The following CCDC191 variants were observed in gnomAD, a reference collection of about 807,000 sequenced individuals.
The protein encoded by CCDC191 is coiled-coil domain containing 191.
CCDC191 carries 99 observed loss-of-function variants against 114.0 expected under a neutral mutation model. The observed-to-expected ratio is 0.87, with a 90% CI of 0.74 to 1.03. The LOEUF (loss-of-function observed/expected upper bound fraction) is 1.03, where lower values mean the gene tolerates loss of function less well. Ranked by LOEUF, CCDC191 falls within the 50% of genes least tolerant of loss-of-function variation. The probability of loss-of-function intolerance (pLI) is 0.00; values close to 1 mark genes in which losing one functional copy is unlikely to be tolerated. For missense variants in CCDC191, 973 were observed against 1,087.0 expected (o/e 0.90, Z 1.47); for synonymous variants, 351 against 376.0 (o/e 0.93, Z 0.77).
rs140452061 is a variant in CCDC191 at position 113,998,641 on chromosome 3, C to T, written c.2163+2954G>A. Among the ~76,000 whole-genome samples, 8 of 152,300 alleles carry T rather than the reference C, an allele frequency of 5.3e-5. No individual in the cohort carries two copies. The East Asian group carries it at 1.5e-3, about 29-fold the overall frequency. On this transcript the variant is annotated intron_variant, in intron 13 of 16. Coordinates refer to ENST00000295878, the MANE Select transcript of CCDC191 (RefSeq NM_020817.2). ...CCAATCTGCCAGCAGCAGAGACTAA[C>T]AATGAGTCCCTGATGTGGCACCATT... is the stretch of plus-strand genomic sequence containing the variant.
rs530351371 is a variant in CCDC191 at position 114,018,039 on chromosome 3, G to A, written c.1163+639C>T. On this transcript the variant is annotated intron_variant, in intron 8 of 16. Coordinates refer to ENST00000295878, the MANE Select transcript of CCDC191 (RefSeq NM_020817.2). ...TCATTCACAAACATAAGAAGGAGCT[G>A]TTATAAAGGTGTCAAAAAACCTCTA... Among the ~76,000 whole-genome samples, 16 of 152,284 alleles carry A rather than the reference G, an allele frequency of 1.1e-4. No individual in the cohort carries two copies. In the South Asian group the frequency reaches 3.3e-3, roughly 32 times the overall value.
At chr3:113,968,836 A>G (rs765244774) in intron 16 of CCDC191, among the ~76,000 whole-genome samples, 4 of 151,948 alleles carry the variant, frequency 2.6e-5, no homozygotes, top group Admixed American at 1.3e-4. Context: ...CCCTTGTCAG[A>G]TGGCATTTTA....
At chr3:114,035,326 T>A (rs1463059654) in intron 5 of CCDC191, among the ~76,000 whole-genome samples, 178 bp from the exon 6 acceptor site, 1 of 152,168 alleles carries the variant, frequency 6.6e-6, no homozygotes, top group Non-Finnish European at 1.5e-5. Context: ...AAGATGAATA[T>A]AACATTTTAG....
rs757450793 is a variant in CCDC191, at chr3:114,031,746, AT to A, written c.851del (p.Asn284IlefsTer21). On this transcript the variant is annotated frameshift_variant, in exon 7 of 17. Coordinates refer to ENST00000295878, the MANE Select transcript of CCDC191 (RefSeq NM_020817.2). LOFTEE classifies it high-confidence loss of function. ...EKKRQEENSQ[N>X]SSEKVMFQST... ...TTTGAAACATGACTTTTTCTGAACT[AT>A]TTTGAGAATTCTCTTCTTGCCTTTT... 6.0e-6 allele frequency: 9 copies of A among 1,488,466 alleles called. No homozygotes were observed. In the African/African-American group the frequency reaches 1.2e-4, roughly 21 times the overall value. 92.2% of individuals were successfully genotyped at this position (1,488,466 alleles called of 1,614,324 possible). A position where few individuals can be genotyped will look rare whatever the true frequency, so the allele number is the denominator to read the frequency against.
intron 14 of CCDC191, among the ~76,000 whole-genome samples, chr3:113,979,920 T>C (rs2075081247): frequency 6.6e-6 from 1 of 152,212 alleles, no homozygotes; most frequent in South Asian, 2.1e-4. Flanking sequence ...TTCTGCGGTG[T>C]CTGATTTCAT....
At chr3:113,988,059 A>ATATT (rs1553743238) in intron 13 of CCDC191, among the ~76,000 whole-genome samples, 5 of 151,138 alleles carry the variant, frequency 3.3e-5, no homozygotes, top group Admixed American at 6.6e-5. Context: ...ATATATATAT[A>ATATT]TTTAAAGAGG....
chr3:113,981,650 C>T (rs1324855480), intron 13 of CCDC191, among the ~76,000 whole-genome samples: 1 of 152,136 alleles, frequency 6.6e-6, no homozygotes, highest in Non-Finnish European at 1.5e-5. Context: ...TACGATTTCA[C>T]ATTAGGAAAA....
At chr3:114,008,158 TA>T (rs1440596493) in intron 9 of CCDC191, among the ~76,000 whole-genome samples, 1 of 148,012 alleles carries the variant, frequency 6.8e-6, no homozygotes, top group East Asian at 1.9e-4. Context: ...TTTGCACAGG[TA>T]AAAAATACTT....
intron 13 of CCDC191, among the ~76,000 whole-genome samples, chr3:113,981,814 T>G (rs1577340096): frequency 6.6e-6 from 1 of 152,262 alleles, no homozygotes; most frequent in East Asian, 1.9e-4. Flanking sequence ...CTGTGAAAGC[T>G]CTGAAAAATG....
intron 7 of CCDC191, among the ~76,000 whole-genome samples, chr3:114,028,901 A>G (rs1318327423): frequency 6.6e-6 from 1 of 151,180 alleles, no homozygotes; most frequent in Non-Finnish European, 1.5e-5. Context: ...AGACACAGAA[A>G]TAAATATAAT....
chr3:113,967,175 G>C (rs1254015910), intron 16 of CCDC191, among the ~76,000 whole-genome samples: 1 of 152,152 alleles, frequency 6.6e-6, no homozygotes, highest in Admixed American at 6.5e-5. Context: ...TATCCATTCA[G>C]TCCACCATTT....
In CCDC191 at chr3:113,984,992, C is replaced by T. The variant is rs117759929; in HGVS notation, c.2164-4199G>A. ...GCACAGGACCTAAGCATTTGTTTAC[C>T]GGAGGCAGAAGCCACTGGATACCAT... is the stretch of plus-strand genomic sequence containing the variant. On this transcript the variant is annotated intron_variant, in intron 13 of 16. Transcript: ENST00000295878. Among the ~76,000 whole-genome samples the T allele has an allele frequency of 8.7e-4, 133 of 152,170 alleles. 1 individual carries two copies. The East Asian group carries it at 0.018, about 21-fold the overall frequency.
intron 5 of CCDC191, among the ~76,000 whole-genome samples, chr3:114,035,882 T>C (rs556812032): frequency 5.5e-4 from 83 of 152,286 alleles, no homozygotes; most frequent in Non-Finnish European, 9.9e-4. Flanking sequence ...GAATCATACT[T>C]CTACTCATTT....
At chr3:114,053,547 T>TAAAAAA in intron 2 of CCDC191, 50 bp downstream of exon 2, 1 of 1,115,442 alleles carries the variant, frequency 9.0e-7, no homozygotes, top group Non-Finnish European at 1.3e-6. Context: ...TCCATCTGAT[T>TAAAAAA]ATGCTTGACT....
chr3:114,050,358 T>C (rs937185453), intron 2 of CCDC191, among the ~76,000 whole-genome samples: 1 of 152,230 alleles, frequency 6.6e-6, no homozygotes, highest in Non-Finnish European at 1.5e-5. Flanking sequence ...ATATAATAAA[T>C]AGTTCTGTGA....
In CCDC191 at chr3:113,981,276, T is replaced by A. The variant is rs186153398; in HGVS notation, c.2164-483A>T. Among the ~76,000 whole-genome samples, 48 of 152,312 alleles carry A rather than the reference T, an allele frequency of 3.2e-4. No homozygotes were observed. The East Asian group carries it at 9.3e-3, about 29-fold the overall frequency. On this transcript the variant is annotated intron_variant, in intron 13 of 16. Coordinates refer to ENST00000295878, the MANE Select transcript of CCDC191 (RefSeq NM_020817.2). ...CCAGAGGCAAGTTAAAGATAGTTGA[T>A]CATCATTAAGCTACCTTCCCTCTTC...
rs1217339857 is a variant in CCDC191 at position 113,979,053 on chromosome 3, A to T, written c.2308-43T>A. 3 of 1,564,682 alleles carry T rather than the reference A, an allele frequency of 1.9e-6. No homozygotes were observed. In the South Asian group the frequency reaches 3.4e-5, roughly 18 times the overall value. On this transcript the variant is annotated intron_variant, in intron 14 of 16. Transcript: ENST00000295878. The stretch of plus-strand genomic sequence containing the variant: ...TGAGAAATATTATTCCTTAAATTTT[A>T]AATCATTTAAACAAACACATCACCT...
chr3:114,006,587 G>GATAT (rs67264886), intron 9 of CCDC191, among the ~76,000 whole-genome samples: 5,993 of 82,158 alleles, frequency 0.073, 186 homozygotes, highest in East Asian at 0.11. Flanking sequence ...GGTTACTCCA[G>GATAT]ATATATATAT....
chr3:114,042,868 T>A (rs774226862), intron 3 of CCDC191, 22 bp from the exon 4 acceptor site: 1 of 1,578,874 alleles, frequency 6.3e-7, no homozygotes, highest in East Asian at 2.3e-5. Context: ...CAAAAACATG[T>A]TAAGTATTTC....
Sources: allele counts gnomAD v4.1 joint callset (sites outside exome capture counted in the v4.1 genomes callset), GRCh38; gene constraint gnomAD v4.1.1; transcripts MANE v1.5; gene names NCBI Gene and HGNC (gene_info 2026-07-23, HGNC 2026-07-21).